The following TP63 variants were observed in gnomAD, a reference collection of about 807,000 sequenced individuals.
The protein encoded by TP63 is tumor protein p63, also known as tumor protein 63.
A neutral mutation model predicts 82.8 loss-of-function variants in TP63; 17 were observed. That is an observed-to-expected ratio of 0.21 (90% CI 0.14 to 0.31). TP63 has a LOEUF of 0.31. Ranked by LOEUF, TP63 falls within the 10% of genes least tolerant of loss-of-function variation. The probability of loss-of-function intolerance (pLI) is 1.00; values close to 1 mark genes in which losing one functional copy is unlikely to be tolerated. For missense variants in TP63, 648 were observed against 895.3 expected, an observed-to-expected ratio of 0.72 and a Z score of 3.52; for synonymous variants, 330 against 321.7, an observed-to-expected ratio of 1.03 and a Z score of -0.28.
the TP63 span, among the ~76,000 whole-genome samples, chr3:189,605,079 T>C: frequency 8.8e-4 from 134 of 152,258 alleles, no homozygotes; most frequent in African/African-American, 3.1e-3. Context: ...TTTCTTCTAG[T>C]GGTATCTCTT....
rs1385605221 is a variant in TP63 at position 189,806,962 on chromosome 3, GTTC to G, written c.325-1305_325-1303del. Among the ~76,000 whole-genome samples the G allele has an allele frequency of 2.0e-5, 3 of 152,046 alleles. 1 individual carries two copies. Among genetic ancestry groups the G allele is most frequent in the Admixed American group, 2.0e-4 (3 of 15,264 alleles). Reference sequence around the variant, plus strand: ...CTAGCTCCTATTTCTTTGTAAGTTTGTTCTTCTCTATAGTTTTACTTAATCTGG... The same window carrying G: ...CTAGCTCCTATTTCTTTGTAAGTTTGTTCTCTATAGTTTTACTTAATCTGG... On this transcript the variant is annotated intron_variant, in intron 3 of 13. Coordinates refer to ENST00000264731, the MANE Select transcript of TP63 (RefSeq NM_003722.5).
intron 10 of TP63, among the ~76,000 whole-genome samples, chr3:189,884,066 G>C (rs1053759224): frequency 6.6e-6 from 1 of 152,148 alleles, no homozygotes; most frequent in East Asian, 1.9e-4. Flanking sequence ...AGATAGAGAG[G>C]TCTCCTCAGG....
chr3:189,618,366 A>G, the TP63 span, among the ~76,000 whole-genome samples: 1 of 152,188 alleles, frequency 6.6e-6, no homozygotes, highest in African/African-American at 2.4e-5. Flanking sequence ...CTACTGACCC[A>G]TTCTTTCCTT....
the TP63 span, among the ~76,000 whole-genome samples, chr3:189,604,122 A>G: frequency 1.2e-4 from 18 of 152,322 alleles, no homozygotes; most frequent in Middle Eastern, 3.4e-3. Flanking sequence ...TTGAAGTCAG[A>G]CAATTCTGAG....
At chr3:189,888,148 G>A (rs768207631) in intron 11 of TP63, among the ~76,000 whole-genome samples, 194 of 152,000 alleles carry the variant, frequency 1.3e-3, no homozygotes, top group Non-Finnish European at 2.2e-3. Flanking sequence ...GTGAGCCACC[G>A]CGCCTGGCCA....
rs1716551281 is a variant in TP63, at chr3:189,858,265, C to T, written c.580-5967C>T. Among the ~76,000 whole-genome samples the T allele has an allele frequency of 4.9e-5, 3 of 60,942 alleles. 1 individual carries two copies. The highest frequency in any genetic ancestry group is 7.2e-4 in the East Asian group (2 of 2,794). 40.0% of individuals were successfully genotyped at this position (60,942 alleles called of 152,430 possible). On this transcript the variant is annotated intron_variant, in intron 4 of 13. Coordinates refer to ENST00000264731, the MANE Select transcript of TP63 (RefSeq NM_003722.5). ...CTAAAAATACAAAAAATTAGCCGGG[C>T]GAGGTGGCGGGCGCCTGTAGTCCCA... is the stretch of plus-strand genomic sequence containing the variant.
chr3:189,795,731 C>T (rs1031305633), intron 3 of TP63, among the ~76,000 whole-genome samples: 9 of 151,932 alleles, frequency 5.9e-5, no homozygotes, highest in Non-Finnish European at 1.0e-4. Flanking sequence ...TCACTAAGAG[C>T]GGAAACCTAT....
intron 1 of TP63, among the ~76,000 whole-genome samples, chr3:189,661,536 T>G (rs771854417): frequency 1.3e-5 from 2 of 152,140 alleles, no homozygotes; most frequent in African/African-American, 2.4e-5. Context: ...TTAGTTTTCT[T>G]TTTTCATTTT....
intron 1 of TP63, among the ~76,000 whole-genome samples, chr3:189,731,389 T>C (rs1218936265): frequency 2.0e-5 from 3 of 152,112 alleles, no homozygotes; most frequent in African/African-American, 7.2e-5. Context: ...ATGAAATATA[T>C]CTGGTGTGAA....
intron 1 of TP63, among the ~76,000 whole-genome samples, chr3:189,667,390 T>G (rs542991542): frequency 5.9e-5 from 9 of 151,884 alleles, no homozygotes; most frequent in Non-Finnish European, 1.2e-4. Context: ...GACCAGGCTG[T>G]TCTCAAGTTC....
intron 3 of TP63, among the ~76,000 whole-genome samples, chr3:189,780,519 C>T (rs35346916): frequency 8.7e-6 from 1 of 114,742 alleles, no homozygotes. Flanking sequence ...CCCCTATTTC[C>T]TAATTCTATG....
At position 189,809,056 on chromosome 3, in the gene TP63, A is replaced by T. The variant is rs571627599; in HGVS notation, c.579+530A>T. The stretch of plus-strand genomic sequence containing the variant: ...TCAATAAATTATAATTTATCAGTAA[A>T]TTGTATAATGTCTTATAAATTACTA... On this transcript the variant is annotated intron_variant, in intron 4 of 13. Transcript: ENST00000264731. 5.1e-4 allele frequency among the ~76,000 whole-genome samples: 78 copies of T among 152,234 alleles called. No individual in the cohort carries two copies. In the East Asian group the frequency reaches 8.7e-3, roughly 17 times the overall value.
chr3:189,696,742 A>G (rs1717409205), intron 1 of TP63, among the ~76,000 whole-genome samples: 1 of 152,156 alleles, frequency 6.6e-6, no homozygotes, highest in African/African-American at 2.4e-5. Context: ...AGCCATTATA[A>G]TAAGTATATT....
At chr3:189,730,896 T>C (rs1305168601) in intron 1 of TP63, among the ~76,000 whole-genome samples, 1 of 152,248 alleles carries the variant, frequency 6.6e-6, no homozygotes, top group Non-Finnish European at 1.5e-5. Flanking sequence ...TTGATGTTTC[T>C]ATACAATCAA....
chr3:189,673,183 A>AT (rs1049374147), intron 1 of TP63, among the ~76,000 whole-genome samples: 9 of 152,190 alleles, frequency 5.9e-5, no homozygotes, highest in Admixed American at 3.3e-4. Flanking sequence ...GATGCAGCAA[A>AT]TTTTTTCACA....
rs532868698 is a variant in TP63 at position 189,791,145 on chromosome 3, G to A, written c.325-17127G>A. ...TTTTAAGATCTTCTTGATTCTATTG[G>A]ATCCAATTTTGTCCAGTTTTAATCA... On this transcript the variant is annotated intron_variant, in intron 3 of 13. Coordinates refer to ENST00000264731, the MANE Select transcript of TP63 (RefSeq NM_003722.5). Among the ~76,000 whole-genome samples, 6 of 152,164 alleles carry A rather than the reference G, an allele frequency of 3.9e-5. No individual in the cohort carries two copies. The South Asian group carries it at 1.2e-3, about 32-fold the overall frequency.
chr3:189,639,043 C>A (rs1361168333), intron 1 of TP63, among the ~76,000 whole-genome samples: 1 of 152,166 alleles, frequency 6.6e-6, no homozygotes, highest in Non-Finnish European at 1.5e-5. Context: ...ATTAAAGTGA[C>A]AATTTTCAAT....
rs571909923 is a variant in TP63 at position 189,742,412 on chromosome 3, T to C, written c.324+3638T>C. On this transcript the variant is annotated intron_variant, in intron 3 of 13. Transcript: ENST00000264731. The stretch of plus-strand genomic sequence containing the variant: ...AACTACATAACTCTTACTTTCGCAA[T>C]TTTTTTTTTTTTATTCCTTGTAAAC... Among the ~76,000 whole-genome samples the C allele has an allele frequency of 3.5e-3, 271 of 78,062 alleles. 1 individual carries two copies. Among genetic ancestry groups the C allele is most frequent in the Non-Finnish European group, 6.3e-3 (200 of 31,988 alleles). The allele number at this position is 78,062 out of a possible 152,430, so 51.2% of individuals were successfully genotyped here.
At chr3:189,702,954 G>A (rs914896658) in intron 1 of TP63, among the ~76,000 whole-genome samples, 6 of 152,188 alleles carry the variant, frequency 3.9e-5, no homozygotes, top group African/African-American at 1.4e-4. Context: ...CAGGCATTGT[G>A]CAATGTACCT....
Sources: gnomAD v4.1 joint callset for allele counts (sites outside exome capture counted in the v4.1 genomes callset) on GRCh38, gnomAD v4.1.1 for gene constraint, MANE v1.5 for transcripts, NCBI Gene and HGNC (gene_info 2026-07-23, HGNC 2026-07-21) for gene names.